CAST: variants seen among roughly 807,000 people sequenced by gnomAD.
The protein encoded by CAST is calpastatin.
CAST carries 76 observed loss-of-function variants against 119.6 expected under a neutral mutation model. That is an observed-to-expected ratio of 0.64 (90% confidence interval 0.53 to 0.77). The LOEUF is 0.77. CAST is among the 30% of genes least tolerant of loss of function. CAST has a pLI of 0.00. For synonymous variants in CAST, 319 were observed against 331.6 expected, an observed-to-expected ratio of 0.96 and a Z score of 0.41; for missense variants, 953 against 946.5, an observed-to-expected ratio of 1.01 and a Z score of -0.09.
intron 1 of CAST, among the ~76,000 whole-genome samples, chr5:96,592,475 A>T (rs147866429): frequency 1.3e-5 from 2 of 152,302 alleles, no homozygotes; most frequent in East Asian, 3.9e-4. Context: ...TTTTTCAGCT[A>T]ATATTTTATT....
At chr5:96,442,485 G>A in the CAST span, among the ~76,000 whole-genome samples, 1 of 152,202 alleles carries the variant, frequency 6.6e-6, no homozygotes, top group Non-Finnish European at 1.5e-5. Flanking sequence ...ATCCTAAAAT[G>A]TTATTACCAT....
At chr5:96,557,965 C>G (rs529071656) in intron 1 of CAST, among the ~76,000 whole-genome samples, 15 of 152,280 alleles carry the variant, frequency 9.9e-5, no homozygotes, top group African/African-American at 3.6e-4. Flanking sequence ...GTAAAGCACT[C>G]CTCAGCAAAT....
At chr5:96,625,895 A>G (rs1747710791) in intron 1 of CAST, among the ~76,000 whole-genome samples, 4 of 152,026 alleles carry the variant, frequency 2.6e-5, no homozygotes, top group African/African-American at 9.7e-5. Context: ...GACACTTCCA[A>G]TGCGAACTCA....
the CAST span, among the ~76,000 whole-genome samples, chr5:96,440,538 C>T: frequency 6.6e-6 from 1 of 151,970 alleles, no homozygotes; most frequent in African/African-American, 2.4e-5. Flanking sequence ...TTTTCTAAGC[C>T]CATGGACTTG....
chr5:96,358,942 A>G, the CAST span, among the ~76,000 whole-genome samples: 1 of 152,166 alleles, frequency 6.6e-6, no homozygotes, highest in Non-Finnish European at 1.5e-5. Flanking sequence ...GGGGTGTTAA[A>G]GTCTCCCACT....
At chr5:96,351,009 G>T in the CAST span, among the ~76,000 whole-genome samples, 1 of 152,124 alleles carries the variant, frequency 6.6e-6, no homozygotes, top group Non-Finnish European at 1.5e-5. Flanking sequence ...ATGAGATGAT[G>T]ACCTTTATTT....
chr5:96,721,978 T>C (rs1462322092), intron 3 of CAST, among the ~76,000 whole-genome samples: 1 of 152,240 alleles, frequency 6.6e-6, no homozygotes, highest in Non-Finnish European at 1.5e-5. Context: ...CCACCTTCTC[T>C]TTCTTACATG....
the CAST span, among the ~76,000 whole-genome samples, chr5:96,460,542 A>G: frequency 6.8e-6 from 1 of 147,968 alleles, no homozygotes; most frequent in Non-Finnish European, 1.5e-5. Flanking sequence ...CTTAAAGTAA[A>G]ATAAATAAAT....
the CAST span, among the ~76,000 whole-genome samples, chr5:96,021,663 G>A: frequency 3.9e-5 from 6 of 152,054 alleles, no homozygotes; most frequent in Non-Finnish European, 8.8e-5. Flanking sequence ...AGCCAGGATG[G>A]TCTTTATCTC....
At chr5:96,018,575 A>G in the CAST span, among the ~76,000 whole-genome samples, 1 of 152,160 alleles carries the variant, frequency 6.6e-6, no homozygotes, top group Non-Finnish European at 1.5e-5. Flanking sequence ...TTATTTGCTA[A>G]CCCTGTGACT....
At chr5:96,185,423 C>T in the CAST span, among the ~76,000 whole-genome samples, 5 of 152,102 alleles carry the variant, frequency 3.3e-5, no homozygotes, top group African/African-American at 1.2e-4. Context: ...AATCTTTGCC[C>T]ATGCCTATGT....
chr5:96,463,410 G>A, the CAST span, among the ~76,000 whole-genome samples: 325 of 152,158 alleles, frequency 2.1e-3, no homozygotes, highest in African/African-American at 7.5e-3. Context: ...AATTCTCAAA[G>A]TTAACTTTGA....
the CAST span, among the ~76,000 whole-genome samples, chr5:96,292,310 G>T: frequency 6.6e-6 from 1 of 152,158 alleles, no homozygotes; most frequent in Non-Finnish European, 1.5e-5. Flanking sequence ...TTAGGACTCC[G>T]TTTCCAATAA....
the CAST span, chr5:96,408,387 G>A: frequency 8.7e-7 from 1 of 1,143,630 alleles, no homozygotes; most frequent in African/African-American, 1.5e-5. Context: ...GCCTGTCTTG[G>A]GGGTTAACTG....
the CAST span, among the ~76,000 whole-genome samples, chr5:96,173,679 GT>G: frequency 6.6e-6 from 1 of 151,808 alleles, no homozygotes. Flanking sequence ...TCTGTTTGAT[GT>G]TTGGGGTATT....
Position 96,731,925 on chromosome 5 carries a change from G to A in CAST, c.630+1065G>A, listed in dbSNP as rs142703831. ...CATTGTTGGACATTTGGGTTGGTTC[G>A]AAGTCTTTGCTATTGTGAATAATGC... On this transcript the variant is annotated intron_variant, in intron 9 of 31. Coordinates refer to ENST00000675179, the MANE Select transcript of CAST (RefSeq NM_001750.7). Among the ~76,000 whole-genome samples, 934 of 152,228 alleles carry A rather than the reference G, an allele frequency of 6.1e-3. 9 individuals are homozygous for A. The highest frequency in any genetic ancestry group is 0.021 in the African/African-American group (877 of 41,498).
intron 1 of CAST, among the ~76,000 whole-genome samples, chr5:96,631,811 C>A (rs1487264749): frequency 6.6e-6 from 1 of 152,064 alleles, no homozygotes; most frequent in Non-Finnish European, 1.5e-5. Flanking sequence ...GGATTACAGG[C>A]GTGAGCCACT....
At chr5:96,191,437 T>TAA in the CAST span, among the ~76,000 whole-genome samples, 1 of 152,276 alleles carries the variant, frequency 6.6e-6, no homozygotes, top group Non-Finnish European at 1.5e-5. Flanking sequence ...TACAGTTGAG[T>TAA]AAAAAGATAA....
At chr5:96,598,472 T>A (rs564016051) in intron 1 of CAST, among the ~76,000 whole-genome samples, 1 of 152,138 alleles carries the variant, frequency 6.6e-6, no homozygotes, top group Non-Finnish European at 1.5e-5. Context: ...GCAGCTTTTA[T>A]GTCTTTGGGA....
Sources: gnomAD v4.1 joint callset for allele counts (sites outside exome capture counted in the v4.1 genomes callset) on GRCh38, gnomAD v4.1.1 for gene constraint, MANE v1.5 for transcripts, NCBI Gene and HGNC (gene_info 2026-07-23, HGNC 2026-07-21) for gene names.